FCRL3: variants seen among roughly 807,000 people sequenced by gnomAD.
FCRL3 encodes Fc receptor-like protein 3.
FCRL3 carries 89 observed loss-of-function variants against 75.0 expected under a neutral mutation model. The observed-to-expected ratio is 1.19, with a 90% CI of 1.00 to 1.42. FCRL3 has a LOEUF of 1.42. FCRL3 is among the 40% of genes most tolerant of loss of function. The probability of loss-of-function intolerance (pLI) is 0.00; values close to 1 mark genes in which losing one functional copy is unlikely to be tolerated. For synonymous variants in FCRL3, 376 were observed against 348.5 expected, an observed-to-expected ratio of 1.08 and a Z score of -0.88; for missense variants, 946 against 880.0, an observed-to-expected ratio of 1.07 and a Z score of -0.95.
Position 157,698,384 on chromosome 1 carries a change from C to A in FCRL3, c.298G>T (p.Asp100Tyr). 6.2e-7 allele frequency: 1 copy of A among 1,614,158 alleles called. No homozygotes were observed. Among genetic ancestry groups the A allele is most frequent in the South Asian group, 1.1e-5 (1 of 91,080 alleles). ...SDAVHVEFSP[D>Y]WLILQALHPV... Reference sequence around the variant, plus strand: ...TAGACACTCCCCTTCCATTCCTCACCAGGTGAAAATTCCACATGCACGGCA... The same window carrying A: ...TAGACACTCCCCTTCCATTCCTCACAAGGTGAAAATTCCACATGCACGGCA... The change falls in exon 4 of 15, where the codon GAC becomes TAC. Residue 100 changes from aspartate to tyrosine, a missense_variant and splice_region_variant. Coordinates refer to ENST00000368184, the MANE Select transcript of FCRL3 (RefSeq NM_052939.4).
chr1:157,690,728 T>C (rs1288980849), intron 8 of FCRL3, among the ~76,000 whole-genome samples, 195 bp from the exon 9 acceptor site: 2 of 152,222 alleles, frequency 1.3e-5, no homozygotes, highest in East Asian at 1.9e-4. Context: ...TTTCTCTAAG[T>C]CTTAGTTTAT....
chr1:157,698,277 C>A, intron 4 of FCRL3, 107 bp downstream of exon 4: 3 of 1,358,934 alleles, frequency 2.2e-6, no homozygotes, highest in Non-Finnish European at 2.0e-6. Context: ...GTCAGTGCAT[C>A]AATCCCCATG....
chr1:157,689,949 T>C (rs1454215596), intron 9 of FCRL3, 32 bp from the exon 10 acceptor site: 6 of 1,611,406 alleles, frequency 3.7e-6, no homozygotes, highest in East Asian at 2.2e-5. Context: ...TGAGTTTCAG[T>C]GGCACAGGTT....
intron 11 of FCRL3, 36 bp from the exon 12 acceptor site, chr1:157,681,135 T>A: frequency 7.2e-7 from 1 of 1,384,604 alleles, no homozygotes; most frequent in Non-Finnish European, 9.7e-7. Flanking sequence ...TTAAAAAGTA[T>A]CTGTGGGTTA....
At chr1:157,684,246 C>T (rs572654797) in intron 10 of FCRL3, among the ~76,000 whole-genome samples, 6 of 152,298 alleles carry the variant, frequency 3.9e-5, no homozygotes, top group African/African-American at 1.4e-4. Flanking sequence ...CAAGCCTTAT[C>T]CAGGTTCCCA....
At chr1:157,687,289 G>T (rs1450934615) in intron 10 of FCRL3, among the ~76,000 whole-genome samples, 2 of 149,922 alleles carry the variant, frequency 1.3e-5, no homozygotes, top group Non-Finnish European at 3.0e-5. Context: ...GAAAACAATA[G>T]GTGCTGGTGA....
intron 2 of FCRL3, 62 bp from the exon 3 acceptor site, chr1:157,699,774 A>G: frequency 6.4e-7 from 1 of 1,568,900 alleles, no homozygotes; most frequent in South Asian, 1.1e-5. Flanking sequence ...CAACCTAACC[A>G]CAACCACTTC....
intron 5 of FCRL3, 42 bp from the exon 6 acceptor site, chr1:157,697,466 C>T: frequency 6.6e-7 from 1 of 1,521,478 alleles, no homozygotes; most frequent in Non-Finnish European, 8.8e-7. Flanking sequence ...TGGTGAGGCT[C>T]AGAGTTCCTA....
rs1473590199 is a variant in FCRL3, at chr1:157,681,107, A to G, written c.1839-8T>C. 6 of 1,515,448 alleles carry G rather than the reference A, an allele frequency of 4.0e-6. No homozygotes were observed. The highest frequency in any genetic ancestry group is 8.8e-7 in the Non-Finnish European group (1 of 1,133,426). The allele number at this position is 1,515,448 out of a possible 1,614,324, so 93.9% of individuals were successfully genotyped here. ...CACTCACTAGGACTGTGACTGTGAC[A>G]GAGGGGGAGAGAATGGATTAAAAAG... On this transcript the variant is annotated splice_region_variant and splice_polypyrimidine_tract_variant and intron_variant, in intron 11 of 14. Transcript: ENST00000368184.
intron 10 of FCRL3, among the ~76,000 whole-genome samples, chr1:157,684,547 T>C (rs1279818769): frequency 6.6e-6 from 1 of 152,162 alleles, no homozygotes; most frequent in Admixed American, 6.5e-5. Context: ...GTCTATCTCC[T>C]TATCTGTAAA....
chr1:157,682,778 C>T (rs574668441), intron 11 of FCRL3, among the ~76,000 whole-genome samples: 45 of 152,290 alleles, frequency 3.0e-4, no homozygotes, highest in African/African-American at 9.9e-4. Flanking sequence ...AGATGCCATG[C>T]GAGCTCTTCA....
Position 157,677,444 on chromosome 1 carries a change from A to T in FCRL3, c.*1266T>A, listed in dbSNP as rs1654530127. On this transcript the variant is annotated 3_prime_UTR_variant, in exon 15 of 15. Transcript: ENST00000368184. Reference sequence around the variant, plus strand: ...TGGCAACATTCAGAGATTAATGTTAATATAATCTCAGTTGTCCCTAGGACT... The same window carrying T: ...TGGCAACATTCAGAGATTAATGTTATTATAATCTCAGTTGTCCCTAGGACT... 1 of 985,352 alleles carries T rather than the reference A, an allele frequency of 1.0e-6. No individual in the cohort carries two copies. Among genetic ancestry groups the T allele is most frequent in the Admixed American group, 6.1e-5 (1 of 16,266 alleles). The allele number at this position is 985,352 out of a possible 1,614,324, so 61.0% of individuals were successfully genotyped here.
chr1:157,686,483 C>T (rs575265061), intron 10 of FCRL3, among the ~76,000 whole-genome samples: 2 of 152,202 alleles, frequency 1.3e-5, no homozygotes, highest in East Asian at 3.9e-4. Flanking sequence ...ATAGCCAAAG[C>T]ATTCCTAAGC....
At chr1:157,682,005 AT>A (rs1156952188) in intron 11 of FCRL3, among the ~76,000 whole-genome samples, 1 of 151,442 alleles carries the variant, frequency 6.6e-6, no homozygotes, top group Non-Finnish European at 1.5e-5. Flanking sequence ...GATGATGAGC[AT>A]TTTTTCATGT....
chr1:157,699,267 G>A (rs1357463501), intron 3 of FCRL3, among the ~76,000 whole-genome samples: 2 of 152,216 alleles, frequency 1.3e-5, no homozygotes, highest in Non-Finnish European at 2.9e-5. Context: ...AGGTGTGGCA[G>A]TGGCATGAGC....
At chr1:157,689,641 G>A (rs1655383688) in intron 10 of FCRL3, among the ~76,000 whole-genome samples, 157 bp downstream of exon 10, 1 of 152,116 alleles carries the variant, frequency 6.6e-6, no homozygotes, top group Non-Finnish European at 1.5e-5. Context: ...TTATTCTATT[G>A]TTTTTGCTAC....
At position 157,698,588 on chromosome 1, in the gene FCRL3, A is replaced by T. The variant is rs752772268; in HGVS notation, c.94T>A (p.Ser32Thr). The stretch of plus-strand genomic sequence containing the variant: ...ACTTTTTCTCCTTTGAAGGCTGTGG[A>T]CCATGGAGGATTGAGGAGAAGTACA... Reference protein sequence around the residue: ...KAVLLLNPPWSTAFKGEKVAL... With the variant: ...KAVLLLNPPWTTAFKGEKVAL... The change falls in exon 4 of 15, where the codon TCC becomes ACC. Residue 32 changes from serine (S) to threonine (T), a missense_variant. Transcript: ENST00000368184. The T allele has an allele frequency of 7.4e-6, 12 of 1,613,940 alleles. No homozygotes were observed. The Admixed American group carries it at 1.3e-4, about 18-fold the overall frequency.
At chr1:157,695,070 C>T (rs1655794677) in intron 8 of FCRL3, among the ~76,000 whole-genome samples, 1 of 151,964 alleles carries the variant, frequency 6.6e-6, no homozygotes, top group Admixed American at 6.6e-5. Context: ...TCTGGTAAGC[C>T]TTCGTGCCTC....
intron 4 of FCRL3, chr1:157,698,124 C>T: frequency 1.4e-6 from 1 of 725,156 alleles, no homozygotes; most frequent in Admixed American, 2.9e-5. Flanking sequence ...GAAATCTTCA[C>T]ATGTCTTTTC....
Sources: allele counts gnomAD v4.1 joint callset (sites outside exome capture counted in the v4.1 genomes callset), GRCh38; gene constraint gnomAD v4.1.1; transcripts MANE v1.5; gene names NCBI Gene and HGNC (gene_info 2026-07-23, HGNC 2026-07-21).